The following CTNNA2 variants were observed in gnomAD, a reference collection of about 807,000 sequenced individuals.
CTNNA2 encodes catenin alpha 2.
In CTNNA2, 42 loss-of-function variants were observed where a neutral mutation model predicts 101.0. That is an observed-to-expected ratio of 0.42 (90% CI 0.32 to 0.54). The LOEUF is 0.54. Ranked by LOEUF, CTNNA2 falls within the 20% of genes least tolerant of loss-of-function variation. CTNNA2 has a pLI of 0.14. For synonymous variants in CTNNA2, 450 were observed against 456.4 expected (o/e 0.99, Z 0.18); for missense variants, 871 against 1,223.1 (o/e 0.71, Z 4.29).
chr2:80,099,270 T>C (rs984759217), intron 7 of CTNNA2, among the ~76,000 whole-genome samples: 8 of 152,118 alleles, frequency 5.3e-5, no homozygotes, highest in African/African-American at 1.2e-4. Flanking sequence ...GCTGAGTTTT[T>C]AGTAGCTTAG....
chr2:80,076,851 C>T (rs558310246), intron 7 of CTNNA2, among the ~76,000 whole-genome samples: 1 of 152,042 alleles, frequency 6.6e-6, no homozygotes, highest in Admixed American at 6.6e-5. Flanking sequence ...TGAGACCATT[C>T]TGGCTAACAC....
intron 7 of CTNNA2, among the ~76,000 whole-genome samples, chr2:80,247,577 C>T (rs566277214): frequency 6.6e-6 from 1 of 152,256 alleles, no homozygotes; most frequent in South Asian, 2.1e-4. Flanking sequence ...GGAGATAGTG[C>T]CACGTCTTCT....
At chr2:80,095,967 T>C (rs970018389) in intron 7 of CTNNA2, among the ~76,000 whole-genome samples, 12 of 152,230 alleles carry the variant, frequency 7.9e-5, no homozygotes, top group African/African-American at 2.2e-4. Flanking sequence ...CCTGGATACA[T>C]TGATTTTTTG....
chr2:80,415,761 A>G (rs1020855259), intron 8 of CTNNA2, among the ~76,000 whole-genome samples: 2 of 152,164 alleles, frequency 1.3e-5, no homozygotes, highest in Admixed American at 6.5e-5. Context: ...TACGATAGCC[A>G]AGACATGGAA....
intron 6 of CTNNA2, among the ~76,000 whole-genome samples, chr2:79,889,391 G>A (rs1008996213): frequency 6.6e-6 from 1 of 152,136 alleles, no homozygotes; most frequent in African/African-American, 2.4e-5. Context: ...AGCTAAGGCT[G>A]TAGAAAAACA....
At chr2:80,306,389 C>CTTTTA (rs1676959155) in intron 7 of CTNNA2, among the ~76,000 whole-genome samples, 2 of 132,882 alleles carry the variant, frequency 1.5e-5, no homozygotes, top group Non-Finnish European at 3.1e-5. Context: ...CTTTTCTTTT[C>CTTTTA]TTTTCTTTTC....
intron 2 of CTNNA2, among the ~76,000 whole-genome samples, chr2:79,701,657 C>T (rs1331815192): frequency 1.3e-5 from 2 of 152,146 alleles, no homozygotes; most frequent in Non-Finnish European, 2.9e-5. Flanking sequence ...GACCGGAAGG[C>T]ATCTCAGGGA....
intron 3 of CTNNA2, among the ~76,000 whole-genome samples, chr2:79,360,777 C>A (rs1677610063): frequency 6.6e-6 from 1 of 152,160 alleles, no homozygotes; most frequent in Non-Finnish European, 1.5e-5. Flanking sequence ...GTTGTCCAAT[C>A]ATAGCAAATG....
chr2:79,289,595 A>G (rs1298867052), intron 2 of CTNNA2, among the ~76,000 whole-genome samples: 1 of 151,922 alleles, frequency 6.6e-6, no homozygotes, highest in Non-Finnish European at 1.5e-5. Context: ...AAATACAAAA[A>G]TTAGCCAGGC....
At chr2:80,284,624 C>T (rs1465979) in intron 7 of CTNNA2, among the ~76,000 whole-genome samples, 14,896 of 118,030 alleles carry the variant, frequency 0.13, 852 homozygotes, top group African/African-American at 0.32. Context: ...TTCAATCACA[C>T]ATTTTTTTTT....
At chr2:79,816,897 T>C (rs1168497382) in intron 3 of CTNNA2, among the ~76,000 whole-genome samples, 2 of 152,198 alleles carry the variant, frequency 1.3e-5, no homozygotes, top group African/African-American at 4.8e-5. Flanking sequence ...AACCTTACGA[T>C]GTTCAAATCA....
chr2:80,165,538 T>C (rs968242978), intron 7 of CTNNA2, among the ~76,000 whole-genome samples: 1 of 152,220 alleles, frequency 6.6e-6, no homozygotes, highest in African/African-American at 2.4e-5. Context: ...ATTTTTTTCA[T>C]ACCTGCATTA....
chr2:80,363,292 C>T (rs1352855188), intron 7 of CTNNA2, among the ~76,000 whole-genome samples: 3 of 151,792 alleles, frequency 2.0e-5, no homozygotes, highest in Non-Finnish European at 4.4e-5. Context: ...AGAGGTACTT[C>T]GATTTGACAG....
intron 3 of CTNNA2, among the ~76,000 whole-genome samples, chr2:79,780,992 T>G (rs919413614): frequency 6.6e-6 from 1 of 152,204 alleles, no homozygotes; most frequent in Non-Finnish European, 1.5e-5. Flanking sequence ...GAGAGGGTTC[T>G]TGGATCTCAT....
intron 2 of CTNNA2, among the ~76,000 whole-genome samples, chr2:79,294,853 ATTATC>A (rs1479049903): frequency 6.6e-6 from 1 of 152,142 alleles, no homozygotes; most frequent in African/African-American, 2.4e-5. Flanking sequence ...CTATTGTGTC[ATTATC>A]TTATCTGCTG....
intron 2 of CTNNA2, among the ~76,000 whole-genome samples, chr2:79,301,522 G>T (rs1573053449): frequency 6.6e-6 from 1 of 152,126 alleles, no homozygotes; most frequent in African/African-American, 2.4e-5. Flanking sequence ...CAGGATTTTT[G>T]GTAATGATCC....
intron 3 of CTNNA2, among the ~76,000 whole-genome samples, chr2:79,750,248 A>G (rs185149759): frequency 1.3e-5 from 2 of 152,236 alleles, no homozygotes; most frequent in African/African-American, 2.4e-5. Flanking sequence ...TTTTTTGACT[A>G]TGCACTAATT....
chr2:79,874,797 A>G (rs984514007), intron 6 of CTNNA2, among the ~76,000 whole-genome samples: 6 of 152,152 alleles, frequency 3.9e-5, no homozygotes, highest in African/African-American at 1.2e-4. Flanking sequence ...AACAACAGCA[A>G]AACTCCGTCT....
intron 4 of CTNNA2, among the ~76,000 whole-genome samples, chr2:79,439,300 T>G (rs951792512): frequency 2.0e-5 from 3 of 152,144 alleles, no homozygotes; most frequent in African/African-American, 4.8e-5. Context: ...TTTGGCTAAG[T>G]GAAAGAGCCA....
Sources: allele counts gnomAD v4.1 joint callset (sites outside exome capture counted in the v4.1 genomes callset), GRCh38; gene constraint gnomAD v4.1.1; transcripts MANE v1.5; gene names NCBI Gene and HGNC (gene_info 2026-07-23, HGNC 2026-07-21).